The following MIPOL1 variants were observed in gnomAD, a reference collection of about 807,000 sequenced individuals.
The protein encoded by MIPOL1 is mirror-image polydactyly gene 1 protein.
In MIPOL1, 57 loss-of-function variants were observed where a neutral mutation model predicts 60.9. That is an observed-to-expected ratio of 0.94 (90% CI 0.76 to 1.17). The LOEUF (loss-of-function observed/expected upper bound fraction) is 1.17. Ranked by LOEUF, MIPOL1 falls within the 50% of genes most tolerant of loss-of-function variation. MIPOL1 has a pLI of 0.00. For missense variants in MIPOL1, 551 were observed against 511.6 expected, an observed-to-expected ratio of 1.08 and a Z score of -0.74; for synonymous variants, 179 against 168.8, an observed-to-expected ratio of 1.06 and a Z score of -0.47.
chr14:37,481,593 AC>A (rs1566683882), intron 11 of MIPOL1, among the ~76,000 whole-genome samples: 6 of 151,018 alleles, frequency 4.0e-5, no homozygotes, highest in African/African-American at 1.2e-4. Context: ...ACACACACAC[AC>A]ACACACACAC....
At chr14:37,494,589 T>C (rs1026236828) in intron 11 of MIPOL1, among the ~76,000 whole-genome samples, 3 of 152,162 alleles carry the variant, frequency 2.0e-5, no homozygotes, top group South Asian at 2.1e-4. Flanking sequence ...ACAGCAAGTA[T>C]AGAAGAGGTT....
At chr14:37,420,514 A>T (rs1273281032) in intron 10 of MIPOL1, among the ~76,000 whole-genome samples, 1 of 152,172 alleles carries the variant, frequency 6.6e-6, no homozygotes, top group African/African-American at 2.4e-5. Context: ...ATATAGTATG[A>T]TAGGATTATA....
intron 7 of MIPOL1, among the ~76,000 whole-genome samples, chr14:37,286,163 C>A (rs2084547244): frequency 6.6e-6 from 1 of 152,028 alleles, no homozygotes. Flanking sequence ...TTTTTACTTG[C>A]AGTTTTTTTA....
chr14:37,477,592 G>C (rs2094796692), intron 11 of MIPOL1, among the ~76,000 whole-genome samples: 4 of 152,228 alleles, frequency 2.6e-5, no homozygotes, highest in African/African-American at 7.2e-5. Flanking sequence ...AATTCAAAGT[G>C]TAAAACTTTT....
intron 9 of MIPOL1, among the ~76,000 whole-genome samples, chr14:37,360,556 G>C (rs1198835842): frequency 4.6e-5 from 7 of 152,148 alleles, no homozygotes; most frequent in Admixed American, 1.3e-4. Flanking sequence ...GAGGGTGTAC[G>C]TGTCCAGGAA....
intron 12 of MIPOL1, chr14:37,507,246 C>G (rs553865700): frequency 1.5e-4 from 23 of 152,258 alleles, no homozygotes; most frequent in African/African-American, 5.5e-4. Context: ...CCAGCCATCC[C>G]ATTACTGGAT....
At chr14:37,458,033 A>C (rs1002232061) in intron 11 of MIPOL1, among the ~76,000 whole-genome samples, 1 of 152,172 alleles carries the variant, frequency 6.6e-6, no homozygotes, top group Non-Finnish European at 1.5e-5. Flanking sequence ...AAGAGTAGCT[A>C]TACTTATATC....
At chr14:37,384,003 A>G (rs1225264296) in intron 10 of MIPOL1, among the ~76,000 whole-genome samples, 2 of 151,926 alleles carry the variant, frequency 1.3e-5, no homozygotes, top group African/African-American at 4.8e-5. Context: ...AGATGGTAAT[A>G]TAAACCAACA....
rs1950820 is a variant in MIPOL1 at position 37,489,982 on chromosome 14, C to T, written c.1032-9926C>T. ...CCCTTAGCATAGCTTGAACGCTGTG[C>T]TGCGAGATCTGCTGGTCTCTTCAGA... On this transcript the variant is annotated intron_variant, in intron 11 of 12. Coordinates refer to ENST00000684589, the MANE Select transcript of MIPOL1 (RefSeq NM_001388067.1). 7.2e-3 allele frequency among the ~76,000 whole-genome samples: 1,096 copies of T among 152,298 alleles called. 51 individuals are homozygous for T. The highest frequency in any genetic ancestry group is 0.062 in the Admixed American group (950 of 15,298).
At chr14:37,317,817 A>G (rs1274021619) in intron 9 of MIPOL1, among the ~76,000 whole-genome samples, 1 of 152,192 alleles carries the variant, frequency 6.6e-6, no homozygotes, top group Non-Finnish European at 1.5e-5. Context: ...GTGGTTGTAT[A>G]GGAAAAAATC....
intron 1 of MIPOL1, among the ~76,000 whole-genome samples, chr14:37,230,900 C>T (rs1356285303): frequency 6.6e-6 from 1 of 151,924 alleles, no homozygotes; most frequent in Non-Finnish European, 1.5e-5. Context: ...AATATTTTAC[C>T]TATTCATTAT....
At chr14:37,473,682 C>G (rs1297480974) in intron 11 of MIPOL1, among the ~76,000 whole-genome samples, 1 of 152,098 alleles carries the variant, frequency 6.6e-6, no homozygotes, top group Non-Finnish European at 1.5e-5. Flanking sequence ...TTATTAATGT[C>G]TTGTATTGAT....
Position 37,464,442 on chromosome 14 carries a change from A to G in MIPOL1, c.1032-35466A>G, listed in dbSNP as rs958945327. Among the ~76,000 whole-genome samples the G allele has an allele frequency of 2.0e-5, 3 of 152,216 alleles. No homozygotes were observed. In the South Asian group the frequency reaches 6.2e-4, roughly 31 times the overall value. ...ATGTCATTTGGAGCAACATAGATGG[A>G]TCTCGAGGTCATTATCCTAAGAGAA... On this transcript the variant is annotated intron_variant, in intron 11 of 12. Coordinates refer to ENST00000684589, the MANE Select transcript of MIPOL1 (RefSeq NM_001388067.1).
intron 9 of MIPOL1, among the ~76,000 whole-genome samples, chr14:37,367,426 T>G (rs2153493181): frequency 6.6e-6 from 1 of 152,204 alleles, no homozygotes; most frequent in East Asian, 1.9e-4. Context: ...AGTGAATTTT[T>G]TATGTTTCTA....
chr14:37,495,992 A>G (rs1260967666), intron 11 of MIPOL1, among the ~76,000 whole-genome samples: 2 of 148,820 alleles, frequency 1.3e-5, no homozygotes, highest in South Asian at 4.3e-4. Context: ...TTTTTCTTGT[A>G]AATTTGTTTG....
At chr14:37,312,634 A>G (rs1595075626) in intron 9 of MIPOL1, among the ~76,000 whole-genome samples, 1 of 152,128 alleles carries the variant, frequency 6.6e-6, no homozygotes, top group African/African-American at 2.4e-5. Flanking sequence ...TTTCAGATAA[A>G]TCCTTATACT....
At chr14:37,408,359 G>A (rs1052031511) in intron 10 of MIPOL1, among the ~76,000 whole-genome samples, 1 of 152,160 alleles carries the variant, frequency 6.6e-6, no homozygotes, top group Non-Finnish European at 1.5e-5. Flanking sequence ...GTCAGGTGCA[G>A]TGGCTCACAC....
Position 37,340,272 on chromosome 14 carries a change from A to T in MIPOL1, c.829-29245A>T, listed in dbSNP as rs554763010. Among the ~76,000 whole-genome samples, 3 of 152,350 alleles carry T rather than the reference A, an allele frequency of 2.0e-5. 1 individual carries two copies. Among genetic ancestry groups the T allele is most frequent in the African/African-American group, 4.8e-5 (2 of 41,582 alleles). ...AAAAAAAAGCTTAAATAGCAAAAAT[A>T]AAAATTTGAAGACTAGAAAAAGCTT... On this transcript the variant is annotated intron_variant, in intron 9 of 12. Transcript: ENST00000684589.
intron 11 of MIPOL1, among the ~76,000 whole-genome samples, chr14:37,430,514 A>ATTT (rs1566591124): frequency 5.2e-4 from 9 of 17,390 alleles, no homozygotes; most frequent in Admixed American, 4.7e-3. Flanking sequence ...TTTTTTTTTA[A>ATTT]AAAAAAGTAT....
Sources: gnomAD v4.1 joint callset for allele counts (sites outside exome capture counted in the v4.1 genomes callset) on GRCh38, gnomAD v4.1.1 for gene constraint, MANE v1.5 for transcripts, NCBI Gene and HGNC (gene_info 2026-07-23, HGNC 2026-07-21) for gene names.